Variants in SLCO3A1 observed in about 807,000 individuals in gnomAD.
The protein encoded by SLCO3A1 is solute carrier organic anion transporter family member 3A1, also known as PGE1 transporter.
SLCO3A1 carries 27 observed loss-of-function variants against 63.1 expected under a neutral mutation model. The ratio of observed to expected loss-of-function variants is 0.43; its 90% CI spans 0.32 to 0.59. SLCO3A1 has a LOEUF of 0.59. SLCO3A1 is among the 20% of genes least tolerant of loss of function. SLCO3A1 has a pLI of 0.09. For missense variants in SLCO3A1, 773 were observed against 945.8 expected (o/e 0.82, Z 2.40); for synonymous variants, 473 against 409.9 (o/e 1.15, Z -1.86).
At chr15:92,047,808 G>T (rs968341228) in intron 2 of SLCO3A1, among the ~76,000 whole-genome samples, 1 of 150,404 alleles carries the variant, frequency 6.6e-6, no homozygotes, top group Non-Finnish European at 1.5e-5. Flanking sequence ...TTATGGGCTT[G>T]AGCCTCTTCC....
Position 92,151,664 on chromosome 15 carries a change from C to G in SLCO3A1, c.1753+650C>G, listed in dbSNP as rs138293526. Among the ~76,000 whole-genome samples, 4 of 152,300 alleles carry G rather than the reference C, an allele frequency of 2.6e-5. No homozygotes were observed. In the East Asian group the frequency reaches 5.8e-4, roughly 22 times the overall value. ...TGGGCCTGGTTCCCAGCTATGCCTA[C>G]CTTTCTCTTGCCATACCACACCGTT... On this transcript the variant is annotated intron_variant, in intron 9 of 9. Transcript: ENST00000318445.
At chr15:92,140,254 G>A (rs1168533299) in intron 7 of SLCO3A1, among the ~76,000 whole-genome samples, 4 of 135,842 alleles carry the variant, frequency 2.9e-5, no homozygotes, top group African/African-American at 5.8e-5. Flanking sequence ...TCATTCAGGA[G>A]CAGGTTGTTC....
At chr15:92,162,644 C>G (rs999501957) in intron 9 of SLCO3A1, 112 bp from the exon 10 acceptor site, 3 of 1,487,798 alleles carry the variant, frequency 2.0e-6, no homozygotes, top group East Asian at 4.6e-5. Context: ...CTTTGAGCCA[C>G]GGAGTCAGAC....
At chr15:92,159,475 C>A (rs1482146531) in intron 9 of SLCO3A1, among the ~76,000 whole-genome samples, 2 of 149,348 alleles carry the variant, frequency 1.3e-5, no homozygotes, top group Non-Finnish European at 3.0e-5. Context: ...CAGAACGAAA[C>A]TCTGTCTCAA....
chr15:92,162,415 G>C, intron 9 of SLCO3A1: 1 of 210,050 alleles, frequency 4.8e-6, no homozygotes, highest in Non-Finnish European at 9.5e-6. Context: ...CTCCCAAAGT[G>C]CTGGAATTAC....
intron 9 of SLCO3A1, 45 bp from the exon 10 acceptor site, chr15:92,162,711 C>T: frequency 6.4e-7 from 1 of 1,568,296 alleles, no homozygotes; most frequent in Non-Finnish European, 8.6e-7. Context: ...CAGGGGAGCA[C>T]TGGCCACCAG....
In SLCO3A1 at chr15:92,019,084, C is replaced by T. The variant is rs189417490; in HGVS notation, c.647-75797C>T. ...GTGCGTCCTGGGAGGGGCTGATGCGCGGTTCCTAATGGTAGCATGTGTGGG... is the reference window on the plus strand; with the variant it reads ...GTGCGTCCTGGGAGGGGCTGATGCGTGGTTCCTAATGGTAGCATGTGTGGG... On this transcript the variant is annotated intron_variant, in intron 2 of 9. Transcript: ENST00000318445. Among the ~76,000 whole-genome samples the T allele has an allele frequency of 3.7e-4, 56 of 149,940 alleles. No individual in the cohort carries two copies. In the East Asian group the frequency reaches 6.6e-3, roughly 18 times the overall value.
At chr15:92,122,418 G>T (rs542381342) in intron 5 of SLCO3A1, among the ~76,000 whole-genome samples, 1 of 152,340 alleles carries the variant, frequency 6.6e-6, no homozygotes, top group South Asian at 2.1e-4. Context: ...AAACACAAAG[G>T]TGCTAACCAT....
chr15:92,120,396 A>AG, intron 4 of SLCO3A1, 69 bp from the exon 5 acceptor site: 2 of 1,502,302 alleles, frequency 1.3e-6, no homozygotes, highest in Non-Finnish European at 1.8e-6. Context: ...CCTTAGGAGC[A>AG]GGGAGCTATA....
intron 2 of SLCO3A1, among the ~76,000 whole-genome samples, chr15:91,919,704 G>A (rs901249592): frequency 1.3e-5 from 2 of 151,988 alleles, no homozygotes; most frequent in African/African-American, 4.8e-5. Context: ...TTTTATGAAA[G>A]TGTAAGTAGG....
chr15:91,918,018 T>G (rs1428087080), intron 2 of SLCO3A1, among the ~76,000 whole-genome samples: 3 of 152,170 alleles, frequency 2.0e-5, no homozygotes, highest in African/African-American at 7.2e-5. Context: ...CTCCCCAGAG[T>G]CACCCCTGAA....
intron 9 of SLCO3A1, among the ~76,000 whole-genome samples, chr15:92,159,582 T>TC (rs1409913947): frequency 6.6e-6 from 1 of 151,334 alleles, no homozygotes; most frequent in Non-Finnish European, 1.5e-5. Context: ...TTTTTTTTTT[T>TC]TGGAGATAGG....
chr15:92,172,024 G>A, exon 11 of SLCO3A1: 1 of 618,518 alleles, frequency 1.6e-6, no homozygotes, highest in Non-Finnish European at 2.9e-6. Context: ...GCAGGCCTGT[G>A]ATGAGGACCA....
chr15:92,005,143 C>G (rs1181941910), intron 2 of SLCO3A1, among the ~76,000 whole-genome samples: 3 of 152,176 alleles, frequency 2.0e-5, no homozygotes, highest in African/African-American at 4.8e-5. Context: ...TTTTTAGAAA[C>G]AAGTCTTTAG....
At position 91,872,621 on chromosome 15, in the gene SLCO3A1, G is replaced by T. The variant is rs1897307684; in HGVS notation, c.180+18533G>T. On this transcript the variant is annotated intron_variant, in intron 1 of 9. Transcript: ENST00000318445. The surrounding 1 kb of genome is among the most constrained non-coding windows in gnomAD (Gnocchi z 4.1). Reference sequence around the variant, plus strand: ...CTAGTGTTTGATCTTGAGTCTCTTGGTTCCAGCTCTAAATTCCCTTCTCTT... The same window carrying T: ...CTAGTGTTTGATCTTGAGTCTCTTGTTTCCAGCTCTAAATTCCCTTCTCTT... Among the ~76,000 whole-genome samples, 1 of 152,164 alleles carries T rather than the reference G, an allele frequency of 6.6e-6. No homozygotes were observed. Among genetic ancestry groups the T allele is most frequent in the Non-Finnish European group, 1.5e-5 (1 of 68,038 alleles).
At chr15:92,059,030 G>A (rs148965321) in intron 2 of SLCO3A1, among the ~76,000 whole-genome samples, 10 of 152,260 alleles carry the variant, frequency 6.6e-5, no homozygotes, top group South Asian at 4.1e-4. Flanking sequence ...AAGTGCTGGC[G>A]TCAGGGTTGG....
At chr15:92,077,781 G>T (rs2047296771) in intron 2 of SLCO3A1, among the ~76,000 whole-genome samples, 1 of 152,178 alleles carries the variant, frequency 6.6e-6, no homozygotes, top group Non-Finnish European at 1.5e-5. Flanking sequence ...GCAGGCGCTG[G>T]TTCCTTTGGA....
intron 2 of SLCO3A1, among the ~76,000 whole-genome samples, chr15:91,945,944 G>A (rs1466519993): frequency 6.6e-6 from 1 of 152,206 alleles, no homozygotes; most frequent in Non-Finnish European, 1.5e-5. Flanking sequence ...CCCAGATAAT[G>A]CCTAGAGCTT....
At chr15:92,134,610 G>C (rs886883337) in intron 7 of SLCO3A1, among the ~76,000 whole-genome samples, 2 of 152,130 alleles carry the variant, frequency 1.3e-5, no homozygotes, top group East Asian at 1.9e-4. Flanking sequence ...AAAAATATTG[G>C]AAGAACATAT....
Sources: gnomAD v4.1 joint callset for allele counts (sites outside exome capture counted in the v4.1 genomes callset) on GRCh38, gnomAD v4.1.1 for gene constraint, Gnocchi (gnomAD v3.1) non-coding constraint, MANE v1.5 for transcripts, NCBI Gene and HGNC (gene_info 2026-07-23, HGNC 2026-07-21) for gene names.